CEP162: variants seen among roughly 807,000 people sequenced by gnomAD.
The protein encoded by CEP162 is centrosomal protein 162.
A neutral mutation model predicts 169.2 loss-of-function variants in CEP162; 141 were observed. The ratio of observed to expected loss-of-function variants is 0.83; its 90% CI spans 0.73 to 0.96. The LOEUF is 0.96. Ranked by LOEUF, CEP162 falls within the 40% of genes least tolerant of loss-of-function variation. The pLI is 0.00. For synonymous variants in CEP162, 540 were observed against 526.4 expected (o/e 1.03, Z -0.35); for missense variants, 1,600 against 1,587.2 (o/e 1.01, Z -0.14).
chr6:84,175,002 TTTGAACACAGGTGGTTAA>T, intron 14 of CEP162, 48 bp from the exon 15 acceptor site: 1 of 1,235,874 alleles, frequency 8.1e-7, no homozygotes. Context: ...ATGTATAAGA[TTTGAACACAGGTGGTTAA>T]TTAAAAAAAG....
intron 11 of CEP162, among the ~76,000 whole-genome samples, chr6:84,189,321 C>G (rs999586834): frequency 3.3e-5 from 5 of 152,182 alleles, no homozygotes; most frequent in African/African-American, 1.2e-4. Flanking sequence ...CCTTTCTGGG[C>G]TGGCCAAGGC....
chr6:84,134,582 T>A (rs2099513082), intron 25 of CEP162, among the ~76,000 whole-genome samples: 1 of 152,142 alleles, frequency 6.6e-6, no homozygotes, highest in South Asian at 2.1e-4. Flanking sequence ...CCTCACGGCT[T>A]CCCTTGGCTA....
chr6:84,131,050 G>A (rs1020916261), intron 25 of CEP162, among the ~76,000 whole-genome samples: 4 of 152,298 alleles, frequency 2.6e-5, no homozygotes, highest in African/African-American at 9.6e-5. Context: ...ATTCTGGTAC[G>A]TCATGTCTTT....
At chr6:84,125,313 C>A in intron 26 of CEP162, 37 bp from the exon 27 acceptor site, 2 of 1,563,774 alleles carry the variant, frequency 1.3e-6, no homozygotes, top group South Asian at 2.2e-5. Flanking sequence ...TGTTATAGTT[C>A]ATAGTGGTGG....
chr6:84,178,239 T>C (rs1189305278), intron 13 of CEP162, among the ~76,000 whole-genome samples: 5 of 152,174 alleles, frequency 3.3e-5, no homozygotes, highest in African/African-American at 1.2e-4. Context: ...AATTGTTACG[T>C]TTTTAAGGTA....
At chr6:84,139,946 C>CGGTTCTCACCAGACTGGTGTGTTCAT (rs2099515851) in intron 25 of CEP162, among the ~76,000 whole-genome samples, 1 of 152,178 alleles carries the variant, frequency 6.6e-6, no homozygotes, top group Non-Finnish European at 1.5e-5. Context: ...GGTGTGTTCA[C>CGGTTCTCACCAGACTGGTGTGTTCAT]GGTTCTCACC....
At chr6:84,217,388 G>A (rs144943018) in intron 3 of CEP162, among the ~76,000 whole-genome samples, 11 of 152,314 alleles carry the variant, frequency 7.2e-5, no homozygotes, top group African/African-American at 2.6e-4. Flanking sequence ...AAGTTAACAC[G>A]TGAGCTATGG....
intron 13 of CEP162, among the ~76,000 whole-genome samples, chr6:84,179,470 T>C (rs1324114352): frequency 6.6e-6 from 1 of 152,218 alleles, no homozygotes; most frequent in Admixed American, 6.5e-5. Flanking sequence ...TTTTGAGAAG[T>C]GTCTGTTCAT....
rs1288435547 is a variant in CEP162, at chr6:84,226,328, T to C, written c.57+9A>G. 4 of 1,528,960 alleles carry C rather than the reference T, an allele frequency of 2.6e-6. No individual in the cohort carries two copies. Among genetic ancestry groups the C allele is most frequent in the Non-Finnish European group, 3.6e-6 (4 of 1,124,224 alleles). The allele number at this position is 1,528,960 out of a possible 1,614,324, so 94.7% of individuals were successfully genotyped here. A position where few individuals can be genotyped will look rare whatever the true frequency, so the allele number is the denominator to read the frequency against. On this transcript the variant is annotated intron_variant, in intron 2 of 26. Coordinates refer to ENST00000403245, the MANE Select transcript of CEP162 (RefSeq NM_014895.4). ...TTTGACAATATAGCTTTTAAAAATA[T>C]AAACTTACCTCTTTCATAAACTGTT...
chr6:84,191,225 T>C (rs376473932), intron 11 of CEP162, among the ~76,000 whole-genome samples: 2 of 151,040 alleles, frequency 1.3e-5, no homozygotes, highest in South Asian at 4.2e-4. Flanking sequence ...GGGCAGGAAG[T>C]GGATTGAGAA....
At chr6:84,169,243 ATTT>A in intron 18 of CEP162, 82 bp downstream of exon 18, 2 of 763,420 alleles carry the variant, frequency 2.6e-6, no homozygotes, top group Non-Finnish European at 4.2e-6. Flanking sequence ...TTTCTATGTA[ATTT>A]TTTAATAAAA....
At chr6:84,191,399 C>T (rs980708344) in intron 11 of CEP162, among the ~76,000 whole-genome samples, 1 of 152,276 alleles carries the variant, frequency 6.6e-6, no homozygotes, top group East Asian at 1.9e-4. Context: ...ATAACCTAAT[C>T]AAGGAAAATA....
At position 84,204,048 on chromosome 6, in the gene CEP162, GTCA is replaced by G; in HGVS notation, c.617_619del (p.Leu206_Thr207delinsSer). On this transcript the variant is annotated inframe_deletion, in exon 7 of 27. Coordinates refer to ENST00000403245, the MANE Select transcript of CEP162 (RefSeq NM_014895.4). ...GGAAGGCATCTCTTCATCTTTAGTA[GTCA>G]ACGGTGCACCAACATACTCATCTTC... 3 of 1,610,430 alleles carry G rather than the reference GTCA, an allele frequency of 1.9e-6. No individual in the cohort carries two copies. Among genetic ancestry groups the G allele is most frequent in the Non-Finnish European group, 2.5e-6 (3 of 1,178,432 alleles).
At chr6:84,138,270 T>C (rs1447836880) in intron 25 of CEP162, among the ~76,000 whole-genome samples, 1 of 152,228 alleles carries the variant, frequency 6.6e-6, no homozygotes, top group Non-Finnish European at 1.5e-5. Flanking sequence ...TTTCAGACAC[T>C]GGATAACAGC....
intron 12 of CEP162, among the ~76,000 whole-genome samples, chr6:84,185,792 AATTTTTAT>A (rs2099536916): frequency 6.6e-6 from 1 of 152,170 alleles, no homozygotes; most frequent in South Asian, 2.1e-4. Context: ...ATGCTTTAAA[AATTTTTAT>A]TAATACCTTG....
intron 9 of CEP162, among the ~76,000 whole-genome samples, chr6:84,198,062 C>T (rs1296502800): frequency 6.6e-6 from 1 of 151,988 alleles, no homozygotes; most frequent in Non-Finnish European, 1.5e-5. Context: ...CAGCAAGGCA[C>T]AAATAATTTC....
At position 84,153,093 on chromosome 6, in the gene CEP162, T is replaced by TAG. The variant is rs2099521771; in HGVS notation, c.3079_3080dup (p.Glu1028Ter). The TAG allele has an allele frequency of 3.1e-6, 5 of 1,613,136 alleles. No homozygotes were observed. The highest frequency in any genetic ancestry group is 1.3e-5 in the African/African-American group (1 of 74,908). ...CCTTGATGTCATCAAGTTCCTTCTC[T>TAG]AGGGCTTTAATTCTGGGAGAGTCAT... On this transcript the variant is annotated frameshift_variant, in exon 23 of 27. Coordinates refer to ENST00000403245, the MANE Select transcript of CEP162 (RefSeq NM_014895.4). LOFTEE classifies it high-confidence loss of function.
intron 5 of CEP162, among the ~76,000 whole-genome samples, chr6:84,214,874 T>C (rs906679171): frequency 2.0e-5 from 3 of 152,222 alleles, no homozygotes; most frequent in African/African-American, 4.8e-5. Context: ...GGGCCAACCA[T>C]ACAGAGGTTA....
chr6:84,176,541 TGGAACGTCCC>T (rs1343056354), intron 13 of CEP162, among the ~76,000 whole-genome samples: 4 of 152,152 alleles, frequency 2.6e-5, no homozygotes, highest in African/African-American at 7.2e-5. Context: ...CTAGTACAGG[TGGAACGTCCC>T]GGATCAGAAA....
Sources: allele counts gnomAD v4.1 joint callset (sites outside exome capture counted in the v4.1 genomes callset), GRCh38; gene constraint gnomAD v4.1.1; transcripts MANE v1.5; gene names NCBI Gene and HGNC (gene_info 2026-07-23, HGNC 2026-07-21).